COLGALT2: variants seen among roughly 807,000 people sequenced by gnomAD.
COLGALT2 encodes the protein procollagen galactosyltransferase 2.
COLGALT2 carries 49 observed loss-of-function variants against 73.4 expected under a neutral mutation model. That is an observed-to-expected ratio of 0.67 (90% confidence interval 0.53 to 0.85). The LOEUF (loss-of-function observed/expected upper bound fraction) is 0.85. COLGALT2 is among the 40% of genes least tolerant of loss of function. The pLI, the probability that COLGALT2 is intolerant of heterozygous loss-of-function variation, is 0.00. For missense variants in COLGALT2, 722 were observed against 790.2 expected, an observed-to-expected ratio of 0.91 and a Z score of 1.03; for synonymous variants, 295 against 307.6, an observed-to-expected ratio of 0.96 and a Z score of 0.43.
At chr1:184,030,921 T>C (rs1459443418) in intron 1 of COLGALT2, among the ~76,000 whole-genome samples, 3 of 152,352 alleles carry the variant, frequency 2.0e-5, no homozygotes, top group South Asian at 2.1e-4. Flanking sequence ...CCCTGTGCTT[T>C]AGATGCCTCA....
intron 1 of COLGALT2, among the ~76,000 whole-genome samples, chr1:184,021,891 A>G (rs2102855505): frequency 6.6e-6 from 1 of 152,354 alleles, no homozygotes; most frequent in South Asian, 2.1e-4. Context: ...GTCCCCAGAC[A>G]GGATTTGCAG....
downstream of COLGALT2, among the ~76,000 whole-genome samples, chr1:183,932,179 CATT>C (rs1379042208): frequency 2.0e-5 from 3 of 152,276 alleles, no homozygotes; most frequent in African/African-American, 7.2e-5. Context: ...AAATGAGACA[CATT>C]ATCCCCCAGC....
intron 1 of COLGALT2, among the ~76,000 whole-genome samples, chr1:183,981,154 T>C (rs1671337970): frequency 6.6e-6 from 1 of 152,136 alleles, no homozygotes; most frequent in Non-Finnish European, 1.5e-5. Flanking sequence ...GGTGTCGTAA[T>C]ATTCCCATGG....
At chr1:183,932,505 G>C (rs528813486), downstream of COLGALT2, among the ~76,000 whole-genome samples, 1 of 152,062 alleles carries the variant, frequency 6.6e-6, no homozygotes, top group African/African-American at 2.4e-5. Context: ...TGGTCCAGAC[G>C]TGAAACTCTT....
At chr1:183,975,235 C>T in intron 2 of COLGALT2, 21 bp from the exon 3 acceptor site, 1 of 1,467,732 alleles carries the variant, frequency 6.8e-7, no homozygotes, top group Non-Finnish European at 9.5e-7. Context: ...AATAATAGCT[C>T]ATCATTATTG....
intron 1 of COLGALT2, among the ~76,000 whole-genome samples, chr1:183,990,356 A>G (rs770119707): frequency 7.9e-5 from 12 of 152,236 alleles, no homozygotes; most frequent in Non-Finnish European, 1.8e-4. Flanking sequence ...ACACCTGTAC[A>G]GTTCCCTCAG....
chr1:184,025,681 G>A (rs930391134), intron 1 of COLGALT2, among the ~76,000 whole-genome samples: 3 of 152,148 alleles, frequency 2.0e-5, no homozygotes, highest in Non-Finnish European at 2.9e-5. Context: ...CTTTCCTTGG[G>A]AGTTCAGTCA....
intron 1 of COLGALT2, among the ~76,000 whole-genome samples, chr1:184,030,167 C>T (rs1649462782): frequency 6.6e-6 from 1 of 152,010 alleles, no homozygotes; most frequent in Non-Finnish European, 1.5e-5. Context: ...TCCATAAAGA[C>T]CCTAAGGGAT....
chr1:184,032,258 C>A (rs1649537013), intron 1 of COLGALT2, among the ~76,000 whole-genome samples: 1 of 152,042 alleles, frequency 6.6e-6, no homozygotes, highest in Non-Finnish European at 1.5e-5. Flanking sequence ...AACAAATTTC[C>A]ATTTGAAGAT....
Position 183,937,662 on chromosome 1 carries a change from C to T in COLGALT2, c.*1099G>A, listed in dbSNP as rs906297531. 2 of 985,440 alleles carry T rather than the reference C, an allele frequency of 2.0e-6. No individual in the cohort carries two copies. Among genetic ancestry groups the T allele is most frequent in the Non-Finnish European group, 1.2e-6 (1 of 829,952 alleles). 61.0% of individuals were successfully genotyped at this position (985,440 alleles called of 1,614,324 possible). A position where few individuals can be genotyped will look rare whatever the true frequency, so the allele number is the denominator to read the frequency against. On this transcript the variant is annotated 3_prime_UTR_variant, in exon 12 of 12. Transcript: ENST00000361927. ...ATTCAGGAGAATCAGATTGCCGAAC[C>T]AATGTGTCCACACCCACCACTCCCC...
At chr1:183,952,818 G>A (rs1435487420) in intron 7 of COLGALT2, among the ~76,000 whole-genome samples, 1 of 152,102 alleles carries the variant, frequency 6.6e-6, no homozygotes, top group East Asian at 1.9e-4. Flanking sequence ...AATTTTCTGT[G>A]GTGACTCTAT....
In COLGALT2 at chr1:183,977,836, A is replaced by AAAGAAG. The variant is rs1558322936; in HGVS notation, c.374+573_374+574insCTTCTT. Reference sequence around the variant, plus strand: ...AAAGAGAGAGAGAGAGAGAGAGAGAAAGAAGAGAAGAGAAGCGAAGAAAAG... The same window carrying AAAGAAG: ...AAAGAGAGAGAGAGAGAGAGAGAGAAAAGAAGAGAAGAGAAGAGAAGCGAAGAAAAG... On this transcript the variant is annotated intron_variant, in intron 2 of 11. Transcript: ENST00000361927. Among the ~76,000 whole-genome samples the AAAGAAG allele has an allele frequency of 1.4e-4, 19 of 132,358 alleles. 1 individual carries two copies. The highest frequency in any genetic ancestry group is 5.0e-4 in the African/African-American group (17 of 33,934). The allele number at this position is 132,358 out of a possible 152,430, so 86.8% of individuals were successfully genotyped here. A position where few individuals can be genotyped will look rare whatever the true frequency, so the allele number is the denominator to read the frequency against.
At chr1:183,983,351 C>T (rs908660145) in intron 1 of COLGALT2, among the ~76,000 whole-genome samples, 3 of 152,200 alleles carry the variant, frequency 2.0e-5, no homozygotes, top group African/African-American at 7.2e-5. Flanking sequence ...AGTTTCCCTG[C>T]TCCTCCTCCC....
intron 1 of COLGALT2, among the ~76,000 whole-genome samples, chr1:184,019,974 TG>T (rs1558340071): frequency 6.6e-6 from 1 of 152,224 alleles, no homozygotes; most frequent in Non-Finnish European, 1.5e-5. Flanking sequence ...TAACCTGTGC[TG>T]TAAGTAAGAA....
In COLGALT2 at chr1:183,972,849, A is replaced by G. The variant is rs567292748; in HGVS notation, c.627+767T>C. 1.1e-3 allele frequency among the ~76,000 whole-genome samples: 171 copies of G among 152,234 alleles called. 1 individual carries two copies. Among genetic ancestry groups the G allele is most frequent in the Non-Finnish European group, 2.0e-3 (134 of 67,992 alleles). On this transcript the variant is annotated intron_variant, in intron 4 of 11. Coordinates refer to ENST00000361927, the MANE Select transcript of COLGALT2 (RefSeq NM_015101.4). ...CGAGTAGCTGGGACTATAGGCGCCC[A>G]ACACCACGCCTGGCTAATTTTTTAT...
intron 1 of COLGALT2, among the ~76,000 whole-genome samples, chr1:183,990,447 C>G (rs1671601294): frequency 6.6e-6 from 1 of 152,226 alleles, no homozygotes; most frequent in Non-Finnish European, 1.5e-5. Context: ...TCATTCACAT[C>G]AAGATGCACC....
In COLGALT2 at chr1:183,937,615, C is replaced by T; in HGVS notation, c.*1146G>A. 1.0e-6 allele frequency: 1 copy of T among 985,364 alleles called. No individual in the cohort carries two copies. The highest frequency in any genetic ancestry group is 1.2e-6 in the Non-Finnish European group (1 of 829,950). 61.0% of individuals were successfully genotyped at this position (985,364 alleles called of 1,614,324 possible). ...TCAAATCCCCCCATCCACAGGCCTC[C>T]CCACAAGAGCCTGGCTGGGAAATTC... On this transcript the variant is annotated 3_prime_UTR_variant, in exon 12 of 12. Transcript: ENST00000361927.
intron 1 of COLGALT2, among the ~76,000 whole-genome samples, chr1:184,004,696 G>A (rs545106913): frequency 3.3e-5 from 5 of 152,266 alleles, no homozygotes; most frequent in South Asian, 4.1e-4. Context: ...GAACATTAAT[G>A]TTCTGGTAAT....
chr1:183,958,792 A>G lies in COLGALT2; in HGVS notation c.953-3954T>C, dbSNP rs147301867. Among the ~76,000 whole-genome samples the G allele has an allele frequency of 8.4e-4, 127 of 150,734 alleles. 1 individual carries two copies. The highest frequency in any genetic ancestry group is 3.1e-3 in the African/African-American group (125 of 40,942). On this transcript the variant is annotated intron_variant, in intron 6 of 11. Coordinates refer to ENST00000361927, the MANE Select transcript of COLGALT2 (RefSeq NM_015101.4). ...ACCTTATAATTACCTTCTCTTTTAC[A>G]TCATCAAGATCTCCTTATATACTGG...
Sources: gnomAD v4.1 joint callset for allele counts (sites outside exome capture counted in the v4.1 genomes callset) on GRCh38, gnomAD v4.1.1 for gene constraint, MANE v1.5 for transcripts, NCBI Gene and HGNC (gene_info 2026-07-23, HGNC 2026-07-21) for gene names.